Variants in TMEM243 observed in about 807,000 individuals in gnomAD.
The protein encoded by TMEM243 is transmembrane protein 243, also known as MDR1 and mitochondrial taxol resistance associated.
A neutral mutation model predicts 15.0 loss-of-function variants in TMEM243; 20 were observed. The observed-to-expected ratio is 1.33, with a 90% CI of 0.94 to 1.93. TMEM243 has a LOEUF of 1.93. Among genes scored for constraint, TMEM243 ranks in the 30% most tolerant of loss-of-function variants. The pLI, the probability that TMEM243 is intolerant of heterozygous loss-of-function variation, is 0.00. For synonymous variants in TMEM243, 72 were observed against 52.7 expected, an observed-to-expected ratio of 1.37 and a Z score of -1.59; for missense variants, 156 against 142.1, an observed-to-expected ratio of 1.10 and a Z score of -0.50.
rs1313904895 is a variant in TMEM243, at chr7:87,209,883, CGTGAGAGACAGTGAGAGA to C, written c.78+9525_78+9542del. On this transcript the variant is annotated intron_variant, in intron 1 of 3. Coordinates refer to ENST00000257637, the MANE Select transcript of TMEM243 (RefSeq NM_024315.4). The stretch of plus-strand genomic sequence containing the variant: ...GAGAGAGAGCAAGAGACAGTGAGAG[CGTGAGAGACAGTGAGAGA>C]GTGAGAGACAGAGAGAGAGGACAGT... 1.1e-4 allele frequency among the ~76,000 whole-genome samples: 14 copies of C among 121,988 alleles called. No individual in the cohort carries two copies. In the Admixed American group the frequency reaches 1.2e-3, roughly 10 times the overall value. The allele number at this position is 121,988 out of a possible 152,430, so 80.0% of individuals were successfully genotyped here. A position where few individuals can be genotyped will look rare whatever the true frequency, so the allele number is the denominator to read the frequency against.
At chr7:87,202,305 G>T (rs1801876040) in intron 1 of TMEM243, among the ~76,000 whole-genome samples, 1 of 152,130 alleles carries the variant, frequency 6.6e-6, no homozygotes, top group Non-Finnish European at 1.5e-5. Flanking sequence ...AAAAGGAAAG[G>T]AAAGATGGTT....
rs542357341 is a variant in TMEM243, at chr7:87,197,971, G to T, written c.204C>A (p.Ile68=). 3.3e-5 allele frequency: 54 copies of T among 1,613,046 alleles called. No individual in the cohort carries two copies. The East Asian group carries it at 1.1e-3, about 33-fold the overall frequency. Reference sequence around the variant, plus strand: ...TGCAGGCAGTAATACTACTCAAAGAGATGCAGACAGCAAAGAATATATTCA... The same window carrying T: ...TGCAGGCAGTAATACTACTCAAAGATATGCAGACAGCAAAGAATATATTCA... The part of the protein sequence containing the change: ...KPLNIFFAVC[I]SLSSITACIL... The change falls in exon 3 of 4, where the codon ATC becomes ATA. Residue 68 remains isoleucine, a synonymous_variant. Coordinates refer to ENST00000257637, the MANE Select transcript of TMEM243 (RefSeq NM_024315.4).
upstream of TMEM243, chr7:87,220,101 G>A (rs1023008085): frequency 6.5e-6 from 1 of 153,460 alleles, no homozygotes; most frequent in South Asian, 2.0e-4. Context: ...CGGGAGGAGT[G>A]AAGTTGCCGG....
At chr7:87,205,138 C>G (rs1325681963) in intron 1 of TMEM243, among the ~76,000 whole-genome samples, 1 of 152,222 alleles carries the variant, frequency 6.6e-6, no homozygotes, top group Admixed American at 6.5e-5. Flanking sequence ...CACCAAGTCC[C>G]TAAGCGGCAT....
rs554519580 is a variant in TMEM243 at position 87,203,572 on chromosome 7, G to A, written c.79-4515C>T. On this transcript the variant is annotated intron_variant, in intron 1 of 3. Coordinates refer to ENST00000257637, the MANE Select transcript of TMEM243 (RefSeq NM_024315.4). ...CAAGAGTGCAGTGAGCAAGGATCAC[G>A]CCACTGCACTCCAGCCTGGACAGAA... 3.2e-4 allele frequency among the ~76,000 whole-genome samples: 48 copies of A among 150,380 alleles called. No homozygotes were observed. The South Asian group carries it at 7.4e-3, about 23-fold the overall frequency.
At chr7:87,204,031 T>C (rs1802021162) in intron 1 of TMEM243, among the ~76,000 whole-genome samples, 1 of 152,178 alleles carries the variant, frequency 6.6e-6, no homozygotes, top group African/African-American at 2.4e-5. Context: ...GGACTCACAG[T>C]TCCACATAGC....
intron 1 of TMEM243, among the ~76,000 whole-genome samples, chr7:87,215,882 T>A (rs561045450): frequency 6.6e-5 from 10 of 152,280 alleles, no homozygotes; most frequent in African/African-American, 2.2e-4. Flanking sequence ...CTCAAGCTTA[T>A]AATCTCAGAA....
chr7:87,219,464 G>T lies in TMEM243; in HGVS notation c.40C>A (p.Leu14Met). Residue 14 changes from leucine to methionine, a missense_variant, in exon 1 of 4, where the codon CTG (leucine) becomes ATG (methionine). Coordinates refer to ENST00000257637, the MANE Select transcript of TMEM243 (RefSeq NM_024315.4). ...FATRTYGTSG[L>M]DNRPLFGETS... ...TCCCCAAACAGAGGTCTGTTGTCCAGGCCACTGGTGCCGTAGGTCCTGGTA... is the reference window on the plus strand; with the variant it reads ...TCCCCAAACAGAGGTCTGTTGTCCATGCCACTGGTGCCGTAGGTCCTGGTA... The T allele has an allele frequency of 6.2e-7, 1 of 1,614,222 alleles. No individual in the cohort carries two copies.
At chr7:87,199,207 G>T in intron 1 of TMEM243, 150 bp from the exon 2 acceptor site, 1 of 596,012 alleles carries the variant, frequency 1.7e-6, no homozygotes, top group Non-Finnish European at 2.9e-6. Context: ...ACAAAGCAAA[G>T]TGTACTGAAC....
chr7:87,215,658 T>A (rs1803053787), intron 1 of TMEM243, among the ~76,000 whole-genome samples: 1 of 152,138 alleles, frequency 6.6e-6, no homozygotes, highest in Admixed American at 6.5e-5. Flanking sequence ...CTGTGCCATA[T>A]TTTTCACCTG....
chr7:87,201,628 G>A (rs1217364228), intron 1 of TMEM243, among the ~76,000 whole-genome samples: 7 of 152,098 alleles, frequency 4.6e-5, no homozygotes, highest in Non-Finnish European at 8.8e-5. Flanking sequence ...GACAGTTTGG[G>A]GAATAATATG....
intron 1 of TMEM243, among the ~76,000 whole-genome samples, chr7:87,210,331 T>C (rs957368683): frequency 1.8e-4 from 27 of 152,232 alleles, no homozygotes; most frequent in Non-Finnish European, 1.5e-4. Context: ...TTCTCACATT[T>C]CAAAACCAAT....
intron 1 of TMEM243, chr7:87,216,916 G>GT (rs2129240412): frequency 6.6e-6 from 1 of 152,296 alleles, no homozygotes; most frequent in South Asian, 2.1e-4. Flanking sequence ...GACTGAACAC[G>GT]TAACTGTCTC....
At chr7:87,204,691 CT>C (rs1277254413) in intron 1 of TMEM243, among the ~76,000 whole-genome samples, 23 of 152,216 alleles carry the variant, frequency 1.5e-4, no homozygotes, top group Admixed American at 1.5e-3. Flanking sequence ...GCCCCTGTGG[CT>C]TTGCAGGGTA....
chr7:87,198,120 A>C, intron 2 of TMEM243, 75 bp from the exon 3 acceptor site: 6 of 1,231,882 alleles, frequency 4.9e-6, no homozygotes, highest in Non-Finnish European at 6.9e-6. Flanking sequence ...AGTCTAGGCA[A>C]CAGTACTACA....
intron 1 of TMEM243, among the ~76,000 whole-genome samples, chr7:87,213,404 A>C (rs985460185): frequency 6.6e-6 from 1 of 152,190 alleles, no homozygotes; most frequent in Non-Finnish European, 1.5e-5. Flanking sequence ...GAACTGTTTC[A>C]CCTTTGGGTG....
chr7:87,219,359 G>C, intron 1 of TMEM243, 67 bp downstream of exon 1: 3 of 1,509,518 alleles, frequency 2.0e-6, no homozygotes, highest in Non-Finnish European at 2.8e-6. Context: ...ACGCAGCCCG[G>C]ACTCCGCCAG....
At chr7:87,201,951 T>C (rs1442951124) in intron 1 of TMEM243, among the ~76,000 whole-genome samples, 2 of 152,130 alleles carry the variant, frequency 1.3e-5, no homozygotes, top group East Asian at 1.9e-4. Flanking sequence ...AGGATACAGA[T>C]TTAGGATTTC....
intron 1 of TMEM243, among the ~76,000 whole-genome samples, chr7:87,214,530 G>A (rs1433358821): frequency 6.6e-6 from 1 of 152,150 alleles, no homozygotes; most frequent in Non-Finnish European, 1.5e-5. Flanking sequence ...AATTGAGTAA[G>A]GCGTTGTGCT....
Sources: gnomAD v4.1 joint callset for allele counts (sites outside exome capture counted in the v4.1 genomes callset) on GRCh38, gnomAD v4.1.1 for gene constraint, MANE v1.5 for transcripts, NCBI Gene and HGNC (gene_info 2026-07-23, HGNC 2026-07-21) for gene names.